STXBP3: variants seen among roughly 807,000 people sequenced by gnomAD.
The protein encoded by STXBP3 is syntaxin binding protein 3.
STXBP3 carries 41 observed loss-of-function variants against 85.7 expected under a neutral mutation model. The observed-to-expected ratio is 0.48, with a 90% CI of 0.37 to 0.62. The LOEUF (loss-of-function observed/expected upper bound fraction) is 0.62. Among genes scored for constraint, STXBP3 ranks in the 20% least tolerant of loss-of-function variants. The pLI is 0.00. For missense variants in STXBP3, 563 were observed against 703.1 expected, an observed-to-expected ratio of 0.80 and a Z score of 2.25; for synonymous variants, 229 against 231.7, an observed-to-expected ratio of 0.99 and a Z score of 0.10.
At chr1:108,746,902 C>T in intron 1 of STXBP3, 116 bp downstream of exon 1, 3 of 1,019,216 alleles carry the variant, frequency 2.9e-6, no homozygotes, top group Non-Finnish European at 4.4e-6. Flanking sequence ...GCACTTGTTG[C>T]TTTGGGACCT....
At chr1:108,776,233 A>AT (rs61686964) in intron 7 of STXBP3, 100 bp from the exon 8 acceptor site, 2 of 712,280 alleles carry the variant, frequency 2.8e-6, no homozygotes, top group Non-Finnish European at 2.1e-6. Flanking sequence ...TTTTGTAAAC[A>AT]TTTTTTAAAT....
intron 7 of STXBP3, among the ~76,000 whole-genome samples, chr1:108,774,216 A>G (rs1347162370): frequency 6.6e-6 from 1 of 152,144 alleles, no homozygotes; most frequent in Non-Finnish European, 1.5e-5. Flanking sequence ...CTGCTAGTTC[A>G]TGTGTGACCC....
At chr1:108,782,313 A>G in intron 9 of STXBP3, 109 bp from the exon 10 acceptor site, 1 of 815,176 alleles carries the variant, frequency 1.2e-6, no homozygotes, top group Non-Finnish European at 1.9e-6. Flanking sequence ...AGTGGATTTT[A>G]CTTTTCAGTT....
chr1:108,796,022 C>A (rs961712365), intron 13 of STXBP3, among the ~76,000 whole-genome samples: 1 of 152,048 alleles, frequency 6.6e-6, no homozygotes, highest in Non-Finnish European at 1.5e-5. Flanking sequence ...CCTGCCACCA[C>A]GCCCGGCTAA....
At chr1:108,779,186 C>T (rs547947556) in intron 8 of STXBP3, 100 bp from the exon 9 acceptor site, 1 of 1,287,344 alleles carries the variant, frequency 7.8e-7, no homozygotes. Context: ...GGAAAAGGGA[C>T]AGAACTTAGG....
chr1:108,807,814 T>G (rs1228521472), intron 18 of STXBP3, among the ~76,000 whole-genome samples: 2 of 152,096 alleles, frequency 1.3e-5, no homozygotes, highest in Non-Finnish European at 2.9e-5. Flanking sequence ...TGACCTTAGG[T>G]GATCCGCCCG....
At chr1:108,807,741 T>C (rs944515208) in intron 18 of STXBP3, among the ~76,000 whole-genome samples, 192 bp downstream of exon 18, 3 of 152,110 alleles carry the variant, frequency 2.0e-5, no homozygotes, top group Non-Finnish European at 4.4e-5. Flanking sequence ...CACGCCTGGC[T>C]AATTTTTGTA....
intron 1 of STXBP3, among the ~76,000 whole-genome samples, chr1:108,749,497 A>C (rs1344150784): frequency 6.6e-6 from 1 of 152,238 alleles, no homozygotes; most frequent in African/African-American, 2.4e-5. Context: ...CAAGCAGAGC[A>C]AAAGTAAGAG....
rs553555453 is a variant in STXBP3 at position 108,790,339 on chromosome 1, T to C, written c.964-3243T>C. 1.1e-3 allele frequency among the ~76,000 whole-genome samples: 162 copies of C among 152,296 alleles called. No homozygotes were observed. The Middle Eastern group carries it at 0.014, about 13-fold the overall frequency. ...TATCATCATAAAATGTCCCTTTTAT[T>C]ACTTGCAGTATTTCTTGTCTTGAGG... is the stretch of plus-strand genomic sequence containing the variant. On this transcript the variant is annotated intron_variant, in intron 11 of 18. Transcript: ENST00000370008.
At chr1:108,785,462 G>C (rs1171642689) in intron 11 of STXBP3, among the ~76,000 whole-genome samples, 1 of 152,146 alleles carries the variant, frequency 6.6e-6, no homozygotes, top group African/African-American at 2.4e-5. Context: ...AAGCGGCAAG[G>C]CTCTGAGCCT....
intron 6 of STXBP3, among the ~76,000 whole-genome samples, chr1:108,762,571 G>A (rs573185180): frequency 1.3e-5 from 2 of 151,642 alleles, no homozygotes; most frequent in Non-Finnish European, 2.9e-5. Flanking sequence ...AATATCTTCT[G>A]TAACATTCCA....
At chr1:108,798,324 A>G in intron 16 of STXBP3, 87 bp downstream of exon 16, 1 of 988,398 alleles carries the variant, frequency 1.0e-6, no homozygotes, top group Non-Finnish European at 1.5e-6. Context: ...GTCTGAGTAT[A>G]TGTATTGGGC....
intron 11 of STXBP3, among the ~76,000 whole-genome samples, chr1:108,787,558 TTTAGTAG>T (rs1557811726): frequency 1.3e-5 from 2 of 152,144 alleles, no homozygotes; most frequent in Non-Finnish European, 2.9e-5. Context: ...ATTTTTTTTT[TTTAGTAG>T]TTAATACCTC....
intron 1 of STXBP3, among the ~76,000 whole-genome samples, chr1:108,749,848 A>G (rs1661865263): frequency 6.6e-6 from 1 of 152,304 alleles, no homozygotes; most frequent in Non-Finnish European, 1.5e-5. Context: ...GCACATATGT[A>G]ATTTTAAATT....
At chr1:108,784,845 T>C (rs555150608) in intron 11 of STXBP3, among the ~76,000 whole-genome samples, 2 of 152,320 alleles carry the variant, frequency 1.3e-5, no homozygotes, top group East Asian at 3.9e-4. Context: ...CAGAGGGGCT[T>C]ACAGGCCCCA....
intron 2 of STXBP3, 76 bp downstream of exon 2, chr1:108,752,382 A>G (rs1661922800): frequency 2.2e-6 from 3 of 1,339,888 alleles, no homozygotes; most frequent in Non-Finnish European, 3.2e-6. Context: ...ACTACATAGT[A>G]TTTACATGGT....
rs147574598 is a variant in STXBP3, at chr1:108,791,617, T to C, written c.964-1965T>C. 5.3e-5 allele frequency among the ~76,000 whole-genome samples: 8 copies of C among 152,264 alleles called. No homozygotes were observed. In the East Asian group the frequency reaches 1.5e-3, roughly 29 times the overall value. On this transcript the variant is annotated intron_variant, in intron 11 of 18. Transcript: ENST00000370008. ...TCCCCTACTTCTGTCTTCTGTTGTA[T>C]TCAGTCTGCTATTAAACCCATTCAT...
At chr1:108,773,342 A>T (rs748010168) in intron 7 of STXBP3, among the ~76,000 whole-genome samples, 3 of 152,176 alleles carry the variant, frequency 2.0e-5, no homozygotes, top group Admixed American at 6.5e-5. Context: ...GTAAGTCCTC[A>T]CTTAAAATGT....
intron 3 of STXBP3, among the ~76,000 whole-genome samples, chr1:108,756,130 G>C (rs187491155): frequency 1.2e-3 from 189 of 152,242 alleles, no homozygotes; most frequent in South Asian, 6.2e-3. Context: ...CTTATAAACT[G>C]CTTAATTTCC....
Sources: allele counts gnomAD v4.1 joint callset (sites outside exome capture counted in the v4.1 genomes callset), GRCh38; gene constraint gnomAD v4.1.1; transcripts MANE v1.5; gene names NCBI Gene and HGNC (gene_info 2026-07-23, HGNC 2026-07-21).